GPC6: variants seen among roughly 807,000 people sequenced by gnomAD.
The protein encoded by GPC6 is glypican 6, also known as glypican-6.
GPC6 carries 14 observed loss-of-function variants against 55.2 expected under a neutral mutation model. The observed-to-expected ratio is 0.25, with a 90% CI of 0.17 to 0.40. The LOEUF (loss-of-function observed/expected upper bound fraction) is 0.40, where lower values mean the gene tolerates loss of function less well. Among genes scored for constraint, GPC6 ranks in the 10% least tolerant of loss-of-function variants. The pLI is 1.00. For synonymous variants in GPC6, 278 were observed against 259.6 expected, an observed-to-expected ratio of 1.07 and a Z score of -0.68; for missense variants, 641 against 708.5, an observed-to-expected ratio of 0.90 and a Z score of 1.08.
intron 1 of GPC6, among the ~76,000 whole-genome samples, chr13:93,254,912 GA>G (rs1031692987): frequency 6.6e-6 from 1 of 151,966 alleles, no homozygotes; most frequent in African/African-American, 2.4e-5. Flanking sequence ...CTGTTTCTGA[GA>G]AAAAAAATCA....
intron 3 of GPC6, among the ~76,000 whole-genome samples, chr13:93,852,997 A>G (rs1888460007): frequency 6.6e-6 from 1 of 151,754 alleles, no homozygotes; most frequent in Non-Finnish European, 1.5e-5. Flanking sequence ...ATAAAATGGT[A>G]ATTAAAAATC....
chr13:94,124,371 T>C (rs564630035), intron 4 of GPC6, among the ~76,000 whole-genome samples: 1 of 152,252 alleles, frequency 6.6e-6, no homozygotes, highest in Non-Finnish European at 1.5e-5. Context: ...GCACTAAGTC[T>C]AAGCTCAGCT....
chr13:93,694,894 A>G (rs1173180926), intron 2 of GPC6, among the ~76,000 whole-genome samples: 1 of 152,068 alleles, frequency 6.6e-6, no homozygotes, highest in Non-Finnish European at 1.5e-5. Context: ...GTTGTTCTCA[A>G]TTAGCCTGTT....
intron 3 of GPC6, among the ~76,000 whole-genome samples, chr13:93,946,990 G>T (rs1032744967): frequency 6.6e-6 from 1 of 152,168 alleles, no homozygotes; most frequent in Non-Finnish European, 1.5e-5. Context: ...ATCTGACTCT[G>T]TATAAAGGAG....
intron 1 of GPC6, among the ~76,000 whole-genome samples, chr13:93,543,300 G>C (rs1054307946): frequency 2.6e-5 from 4 of 151,998 alleles, no homozygotes; most frequent in African/African-American, 9.7e-5. Flanking sequence ...TTTTGTCTTT[G>C]GTTCTGTTTA....
At chr13:93,528,156 A>G (rs370800271) in intron 1 of GPC6, among the ~76,000 whole-genome samples, 10 of 152,144 alleles carry the variant, frequency 6.6e-5, no homozygotes, top group African/African-American at 2.4e-4. Flanking sequence ...TGAACAGTAA[A>G]TCTTAAAATT....
At chr13:93,574,127 C>T (rs944438085) in intron 2 of GPC6, among the ~76,000 whole-genome samples, 5 of 151,966 alleles carry the variant, frequency 3.3e-5, no homozygotes, top group African/African-American at 9.7e-5. Flanking sequence ...ATTTGCATAC[C>T]GTTAGAGGCT....
intron 1 of GPC6, among the ~76,000 whole-genome samples, chr13:93,278,519 T>C (rs1877840219): frequency 6.6e-6 from 1 of 152,148 alleles, no homozygotes; most frequent in African/African-American, 2.4e-5. Flanking sequence ...GAAATATTCT[T>C]ATAAGACATT....
chr13:93,354,330 G>C (rs1159403576), intron 1 of GPC6, among the ~76,000 whole-genome samples: 1 of 147,068 alleles, frequency 6.8e-6, no homozygotes, highest in African/African-American at 2.5e-5. Flanking sequence ...GTCACAATAA[G>C]AAGTGCTTCC....
intron 3 of GPC6, among the ~76,000 whole-genome samples, chr13:93,930,521 A>ATATT (rs1878112518): frequency 6.6e-6 from 1 of 151,898 alleles, no homozygotes; most frequent in Non-Finnish European, 1.5e-5. Context: ...TCCACCCACC[A>ATATT]CGGCCTCCCA....
chr13:93,372,224 AAGAT>A (rs63676261), intron 1 of GPC6, among the ~76,000 whole-genome samples: 57,593 of 151,724 alleles, frequency 0.38, 12,113 homozygotes, highest in Non-Finnish European at 0.5. Context: ...ATATCTAAAA[AAGAT>A]TTGTAGTAAC....
chr13:93,900,141 T>C (rs1876265415), intron 3 of GPC6, among the ~76,000 whole-genome samples: 1 of 147,030 alleles, frequency 6.8e-6, no homozygotes, highest in African/African-American at 2.4e-5. Context: ...TCTGTATGAT[T>C]TAAGCACTTG....
At chr13:94,289,482 A>G (rs1386683547) in intron 5 of GPC6, among the ~76,000 whole-genome samples, 3 of 152,190 alleles carry the variant, frequency 2.0e-5, no homozygotes, top group Admixed American at 6.5e-5. Flanking sequence ...TTCTGAGAGC[A>G]TAGTCTACAT....
chr13:94,326,850 A>G (rs1877146600), intron 6 of GPC6, among the ~76,000 whole-genome samples: 1 of 152,218 alleles, frequency 6.6e-6, no homozygotes, highest in African/African-American at 2.4e-5. Context: ...CCAGCTTGCA[A>G]ACACGGGCAC....
intron 1 of GPC6, among the ~76,000 whole-genome samples, chr13:93,502,743 TA>T (rs2139373546): frequency 6.6e-6 from 1 of 152,206 alleles, no homozygotes; most frequent in South Asian, 2.1e-4. Flanking sequence ...AGCAAAACAA[TA>T]AACAAAGCCC....
chr13:93,744,206 T>C (rs2138853359), intron 2 of GPC6, among the ~76,000 whole-genome samples: 1 of 152,334 alleles, frequency 6.6e-6, no homozygotes, highest in Middle Eastern at 3.4e-3. Flanking sequence ...GGGAGGTCTC[T>C]ACCCGCTTGA....
chr13:94,361,297 T>C (rs1354400459), intron 6 of GPC6, among the ~76,000 whole-genome samples: 1 of 152,196 alleles, frequency 6.6e-6, no homozygotes, highest in Non-Finnish European at 1.5e-5. Context: ...ACTACCTGCA[T>C]AGTTGCACAA....
At chr13:94,402,622 TG>T (rs1327156290) in intron 8 of GPC6, among the ~76,000 whole-genome samples, 1 of 152,226 alleles carries the variant, frequency 6.6e-6, no homozygotes, top group African/African-American at 2.4e-5. Flanking sequence ...GTTTTCATAC[TG>T]CTATAAAGAA....
chr13:94,112,347 G>T lies in GPC6; in HGVS notation c.877+84453G>T, dbSNP rs1235529211. Among the ~76,000 whole-genome samples the T allele has an allele frequency of 3.3e-5, 5 of 152,020 alleles. No individual in the cohort carries two copies. The East Asian group carries it at 9.7e-4, about 29-fold the overall frequency. On this transcript the variant is annotated intron_variant, in intron 4 of 8. Coordinates refer to ENST00000377047, the MANE Select transcript of GPC6 (RefSeq NM_005708.5). ...TTCTTCAAATTCTTAACAATCTACCGCCTTCCTTGTAATGTGCTAGGGTGA... is the reference window on the plus strand; with the variant it reads ...TTCTTCAAATTCTTAACAATCTACCTCCTTCCTTGTAATGTGCTAGGGTGA...
Sources: allele counts gnomAD v4.1 joint callset (sites outside exome capture counted in the v4.1 genomes callset), GRCh38; gene constraint gnomAD v4.1.1; transcripts MANE v1.5; gene names NCBI Gene and HGNC (gene_info 2026-07-23, HGNC 2026-07-21).